The following ABCA1 variants were observed in gnomAD, a reference collection of about 807,000 sequenced individuals.
ABCA1 encodes phospholipid-transporting ATPase ABCA1.
ABCA1 carries 133 observed loss-of-function variants against 262.5 expected under a neutral mutation model. That is an observed-to-expected ratio of 0.51 (90% confidence interval 0.44 to 0.59). ABCA1 has a LOEUF of 0.59. ABCA1 is among the 20% of genes least tolerant of loss of function. ABCA1 has a pLI of 0.00. For missense variants in ABCA1, 2,452 were observed against 2,777.5 expected, an observed-to-expected ratio of 0.88 and a Z score of 2.63; for synonymous variants, 1,022 against 1,043.5, an observed-to-expected ratio of 0.98 and a Z score of 0.40.
chr9:104,871,995 A>G (rs754838679), intron 5 of ABCA1, among the ~76,000 whole-genome samples: 9 of 152,324 alleles, frequency 5.9e-5, no homozygotes, highest in Middle Eastern at 3.4e-3. Context: ...GATTCTTCCT[A>G]AGGCTGGTCT....
chr9:104,855,881 G>A (rs1835793184), intron 7 of ABCA1: 1 of 1,612,826 alleles, frequency 6.2e-7, no homozygotes, highest in Non-Finnish European at 8.5e-7. Context: ...CCCTTGGCTG[G>A]AAACAGGGAA....
intron 7 of ABCA1, among the ~76,000 whole-genome samples, chr9:104,851,480 C>G (rs1835371404): frequency 6.6e-6 from 1 of 152,220 alleles, no homozygotes; most frequent in African/African-American, 2.4e-5. Flanking sequence ...CTAAATGCCA[C>G]CTTCTCTTCC....
In ABCA1 at chr9:104,814,503, A is replaced by G. The variant is rs1462800288; in HGVS notation, c.3739-28T>C. The stretch of plus-strand genomic sequence containing the variant: ...GGAAAATGAGAGAGATGAGAACATT[A>G]TAAGCACCAACATTACGAGAGTAGT... On this transcript the variant is annotated intron_variant, in intron 25 of 49. Coordinates refer to ENST00000374736, the MANE Select transcript of ABCA1 (RefSeq NM_005502.4). 3 of 1,608,728 alleles carry G rather than the reference A, an allele frequency of 1.9e-6. No individual in the cohort carries two copies. The Admixed American group carries it at 5.0e-5, about 27-fold the overall frequency.
At chr9:104,837,296 G>A (rs1833907997) in intron 10 of ABCA1, 132 bp downstream of exon 10, 1 of 1,310,520 alleles carries the variant, frequency 7.6e-7, no homozygotes, top group Admixed American at 2.0e-5. Flanking sequence ...CATCAGACTT[G>A]AGGTTTTCAC....
chr9:104,884,299 T>A (rs1050026565), intron 4 of ABCA1, 128 bp downstream of exon 4: 4 of 1,223,858 alleles, frequency 3.3e-6, no homozygotes, highest in Non-Finnish European at 4.7e-6. Flanking sequence ...TTCTGCAGAC[T>A]CTATCACACA....
rs1836871021 is a variant in ABCA1, at chr9:104,864,157, C to T, written c.422-2357G>A. On this transcript the variant is annotated intron_variant, in intron 5 of 49. Coordinates refer to ENST00000374736, the MANE Select transcript of ABCA1 (RefSeq NM_005502.4). The stretch of plus-strand genomic sequence containing the variant: ...GATCAGGCCTGGCACAGAATTACTG[C>T]CCAGTGAAGGGTAGCTGAATACTAA... Among the ~76,000 whole-genome samples, 3 of 152,270 alleles carry T rather than the reference C, an allele frequency of 2.0e-5. No individual in the cohort carries two copies. In the South Asian group the frequency reaches 6.2e-4, roughly 32 times the overall value.
At position 104,796,159 on chromosome 9, in the gene ABCA1, A is replaced by C; in HGVS notation, c.5276T>G (p.Val1759Gly). The C allele has an allele frequency of 6.2e-7, 1 of 1,614,130 alleles. No individual in the cohort carries two copies. The highest frequency in any genetic ancestry group is 8.5e-7 in the Non-Finnish European group (1 of 1,180,030). Residue 1759 changes from valine to glycine, a missense_variant, in exon 39 of 50, where the codon GTG becomes GGG. This residue lies in a region of ABCA1 where 752 missense variants were observed against 944.5 expected (regional missense o/e 0.80). Transcript: ENST00000374736. ...ATAGGCTGTGCTGGGGATCTTGAAC[A>C]CAAAGGAGGCTGGGTACATGAGAGG... Reference protein sequence around the residue: ...ITPLMYPASFVFKIPSTAYVV... With the variant: ...ITPLMYPASFGFKIPSTAYVV...
chr9:104,893,394 C>G (rs962413280), intron 2 of ABCA1, among the ~76,000 whole-genome samples: 3 of 123,770 alleles, frequency 2.4e-5, no homozygotes, highest in Non-Finnish European at 4.7e-5. Context: ...TGCACTCCAG[C>G]CTGGGCAACA....
At chr9:104,810,126 G>A (rs1831139837) in intron 29 of ABCA1, among the ~76,000 whole-genome samples, 1 of 142,776 alleles carries the variant, frequency 7.0e-6, no homozygotes, top group Non-Finnish European at 1.5e-5. Context: ...GAGAAAAAGA[G>A]GCCAATTCAC....
chr9:104,865,443 G>T (rs1837005413), intron 5 of ABCA1, among the ~76,000 whole-genome samples: 1 of 150,184 alleles, frequency 6.7e-6, no homozygotes, highest in Admixed American at 6.6e-5. Context: ...TTGAACGTGG[G>T]AGGCAGTGGT....
At chr9:104,877,914 T>C (rs1838290990) in intron 5 of ABCA1, among the ~76,000 whole-genome samples, 1 of 152,200 alleles carries the variant, frequency 6.6e-6, no homozygotes, top group Admixed American at 6.5e-5. Flanking sequence ...TCACAGAAAA[T>C]GTTTCTTTTG....
rs926675967 is a variant in ABCA1 at position 104,915,162 on chromosome 9, A to G, written c.-92-11391T>C. Reference sequence around the variant, plus strand: ...TACTTGCGCCAAACTGAGTTATCCAATCTCCAGGCTCTTGTCCAGTTCTAG... The same window carrying G: ...TACTTGCGCCAAACTGAGTTATCCAGTCTCCAGGCTCTTGTCCAGTTCTAG... On this transcript the variant is annotated intron_variant, in intron 1 of 49. Coordinates refer to ENST00000374736, the MANE Select transcript of ABCA1 (RefSeq NM_005502.4). 5.9e-5 allele frequency among the ~76,000 whole-genome samples: 9 copies of G among 152,210 alleles called. No homozygotes were observed. The East Asian group carries it at 7.7e-4, about 13-fold the overall frequency.
intron 9 of ABCA1, among the ~76,000 whole-genome samples, chr9:104,838,864 G>A (rs764883250): frequency 2.0e-5 from 3 of 151,836 alleles, no homozygotes; most frequent in Middle Eastern, 6.8e-3. Context: ...TCATGGAAAT[G>A]AAGGCTTCCT....
chr9:104,916,780 A>G (rs1841870087), intron 1 of ABCA1, among the ~76,000 whole-genome samples: 1 of 152,182 alleles, frequency 6.6e-6, no homozygotes, highest in Non-Finnish European at 1.5e-5. Context: ...CCTGGGTTCA[A>G]GCAATTCTCC....
intron 1 of ABCA1, among the ~76,000 whole-genome samples, chr9:104,920,132 T>C (rs1353846324): frequency 1.3e-5 from 2 of 152,156 alleles, no homozygotes; most frequent in East Asian, 1.9e-4. Context: ...AACAGAAAAG[T>C]AAAATGACTT....
rs1435188957 is a variant in ABCA1 at position 104,928,016 on chromosome 9, G to GA, written c.-175dup. On this transcript the variant is annotated 5_prime_UTR_variant, in exon 1 of 50. Transcript: ENST00000374736. ...GAGAAGGGGAGAAAACAGAACCGGG[G>GA]AAAAAACAAGGAGCAAAGCGCCCTG... 2.0e-5 allele frequency: 3 copies of GA among 152,182 alleles called. No homozygotes were observed. Among genetic ancestry groups the GA allele is most frequent in the Admixed American group, 6.5e-5 (1 of 15,278 alleles). The allele number at this position is 152,182 out of a possible 1,614,324, so 9.4% of individuals were successfully genotyped here. A position where few individuals can be genotyped will look rare whatever the true frequency, so the allele number is the denominator to read the frequency against.
chr9:104,810,681 A>G, intron 29 of ABCA1, 119 bp downstream of exon 29: 2 of 1,508,872 alleles, frequency 1.3e-6, no homozygotes, highest in South Asian at 2.3e-5. Flanking sequence ...CAGGGACCTG[A>G]GCCGCAGCAG....
At chr9:104,830,768 A>T (rs1364010663) in intron 14 of ABCA1, among the ~76,000 whole-genome samples, 157 bp downstream of exon 14, 1 of 152,160 alleles carries the variant, frequency 6.6e-6, no homozygotes, top group African/African-American at 2.4e-5. Flanking sequence ...GTGTGCACAT[A>T]TATCTATGTC....
At chr9:104,794,220 C>T (rs886112227) in intron 40 of ABCA1, among the ~76,000 whole-genome samples, 167 bp downstream of exon 40, 4 of 152,200 alleles carry the variant, frequency 2.6e-5, no homozygotes, top group Non-Finnish European at 5.9e-5. Flanking sequence ...GTCACAAAAC[C>T]CATGCCACAA....
Sources: allele counts gnomAD v4.1 joint callset (sites outside exome capture counted in the v4.1 genomes callset), GRCh38; gene constraint gnomAD v4.1.1; regional missense constraint gnomAD v4.1.1; transcripts MANE v1.5; gene names NCBI Gene and HGNC (gene_info 2026-07-23, HGNC 2026-07-21).